The following OCSTAMP variants were observed in gnomAD, a reference collection of about 807,000 sequenced individuals.
OCSTAMP encodes osteoclast stimulatory transmembrane protein.
A neutral mutation model predicts 25.2 loss-of-function variants in OCSTAMP; 17 were observed. The observed-to-expected ratio is 0.68, with a 90% confidence interval of 0.46 to 1.01. The LOEUF is 1.01. Ranked by LOEUF, OCSTAMP falls within the 50% of genes least tolerant of loss-of-function variation. OCSTAMP has a pLI of 0.00. For missense variants in OCSTAMP, 664 were observed against 694.6 expected, an observed-to-expected ratio of 0.96 and a Z score of 0.50; for synonymous variants, 345 against 318.9, an observed-to-expected ratio of 1.08 and a Z score of -0.87.
chr20:46,546,460 A>AGT, intron 1 of OCSTAMP, 131 bp from the exon 2 acceptor site: 2 of 755,878 alleles, frequency 2.6e-6, no homozygotes, highest in Non-Finnish European at 4.2e-6. Context: ...ACCCAGGTGG[A>AGT]CCAATCAGAG....
At position 46,541,790 on chromosome 20, in the gene OCSTAMP, C is replaced by A. The variant is rs537737693; in HGVS notation, c.1185G>T (p.Arg395=). Residue 395 remains arginine (R), a synonymous_variant, in exon 3 of 3, where the codon CGG becomes CGT. Coordinates refer to ENST00000279028, the MANE Select transcript of OCSTAMP (RefSeq NM_080721.3). ...CCAGCGGGGCAGCTGCGCGGGGACG[C>A]CGGGCGGGTAGCAGTGGGCAGCGGG... ...TSARCPLLPA[R]RPRAAAPLAA... 4.7e-6 allele frequency: 7 copies of A among 1,496,878 alleles called. No individual in the cohort carries two copies. In the African/African-American group the frequency reaches 5.6e-5, roughly 12 times the overall value. 92.7% of individuals were successfully genotyped at this position (1,496,878 alleles called of 1,614,324 possible).
Position 46,541,475 on chromosome 20 carries a change from C to G in OCSTAMP, c.1500G>C (p.Glu500Asp). 1.3e-6 allele frequency: 2 copies of G among 1,550,964 alleles called. No individual in the cohort carries two copies. The highest frequency in any genetic ancestry group is 1.7e-6 in the Non-Finnish European group (2 of 1,146,282). Reference protein sequence around the residue: ...RTESSEGEGKELWSCRDLSCN... With the variant: ...RTESSEGEGKDLWSCRDLSCN... ...AACTCAGGTCTCTGCAACTCCAAAGCTCTTTCCCTTCTCCCTCACTGCTCT... is the reference window on the plus strand; with the variant it reads ...AACTCAGGTCTCTGCAACTCCAAAGGTCTTTCCCTTCTCCCTCACTGCTCT... Residue 500 changes from glutamate (E) to aspartate (D), a missense_variant, in exon 3 of 3, where the codon GAG (glutamate) becomes GAC (aspartate). Coordinates refer to ENST00000279028, the MANE Select transcript of OCSTAMP (RefSeq NM_080721.3).
Position 46,550,619 on chromosome 20 carries a change from A to G in OCSTAMP, c.-59T>C. 1 of 1,492,900 alleles carries G rather than the reference A, an allele frequency of 6.7e-7. No individual in the cohort carries two copies. 92.5% of individuals were successfully genotyped at this position (1,492,900 alleles called of 1,614,324 possible). Reference sequence around the variant, plus strand: ...TCGCTGGCAGCTGTGGCAGGTGGAGAGGAAGTGGGGGAATCGCTGGGACTT... The same window carrying G: ...TCGCTGGCAGCTGTGGCAGGTGGAGGGGAAGTGGGGGAATCGCTGGGACTT... On this transcript the variant is annotated 5_prime_UTR_variant, in exon 1 of 3. Coordinates refer to ENST00000279028, the MANE Select transcript of OCSTAMP (RefSeq NM_080721.3).
Position 46,541,024 on chromosome 20 carries a change from C to T in OCSTAMP, c.*250G>A, listed in dbSNP as rs763661207. On this transcript the variant is annotated 3_prime_UTR_variant, in exon 3 of 3. Coordinates refer to ENST00000279028, the MANE Select transcript of OCSTAMP (RefSeq NM_080721.3). ...GAAGGAATTTGAGGCAGAGGAATAACGTAATCTAAGATTTAATAAATACGT... is the reference window on the plus strand; with the variant it reads ...GAAGGAATTTGAGGCAGAGGAATAATGTAATCTAAGATTTAATAAATACGT... The T allele has an allele frequency of 1.7e-5, 7 of 418,064 alleles. No individual in the cohort carries two copies. The highest frequency in any genetic ancestry group is 1.0e-4 in the South Asian group (2 of 19,074). The allele number at this position is 418,064 out of a possible 1,614,324, so 25.9% of individuals were successfully genotyped here. A position where few individuals can be genotyped will look rare whatever the true frequency, so the allele number is the denominator to read the frequency against.
chr20:46,543,114 T>G (rs1035948472), intron 2 of OCSTAMP, among the ~76,000 whole-genome samples: 1 of 152,110 alleles, frequency 6.6e-6, no homozygotes, highest in Non-Finnish European at 1.5e-5. Flanking sequence ...ATTGAATGTT[T>G]TAGGAAAACC....
chr20:46,544,359 C>T (rs1434154198), intron 2 of OCSTAMP, among the ~76,000 whole-genome samples: 1 of 152,192 alleles, frequency 6.6e-6, no homozygotes, highest in Non-Finnish European at 1.5e-5. Flanking sequence ...CCAGTTGATT[C>T]TATTTCATTA....
Position 46,545,514 on chromosome 20 carries a change from G to T in OCSTAMP, c.860C>A (p.Ala287Asp). The T allele has an allele frequency of 1.3e-6, 2 of 1,551,430 alleles. No individual in the cohort carries two copies. The highest frequency in any genetic ancestry group is 1.7e-6 in the Non-Finnish European group (2 of 1,146,854). ...APPPTWLLQA[A>D]QLRLSQEELL... ...CTCCTCCTGTGACAGCCTCAGCTGA[G>T]CCGCCTGGAGCAGCCAGGTGGGTGG... The change falls in exon 2 of 3, where the codon GCT becomes GAT. Residue 287 changes from alanine (A) to aspartate (D), a missense_variant. Coordinates refer to ENST00000279028, the MANE Select transcript of OCSTAMP (RefSeq NM_080721.3).
At chr20:46,548,015 G>T (rs2061858391) in intron 1 of OCSTAMP, among the ~76,000 whole-genome samples, 1 of 152,152 alleles carries the variant, frequency 6.6e-6, no homozygotes, top group South Asian at 2.1e-4. Flanking sequence ...TTAATAGCAG[G>T]TGGGAAAGCA....
Position 46,541,914 on chromosome 20 carries a change from A to ATG in OCSTAMP, c.1060_1061insCA (p.Val354AlafsTer111). 6.9e-7 allele frequency: 1 copy of ATG among 1,447,760 alleles called. No individual in the cohort carries two copies. The highest frequency in any genetic ancestry group is 9.1e-7 in the Non-Finnish European group (1 of 1,102,256). The allele number at this position is 1,447,760 out of a possible 1,614,324, so 89.7% of individuals were successfully genotyped here. A position where few individuals can be genotyped will look rare whatever the true frequency, so the allele number is the denominator to read the frequency against. On this transcript the variant is annotated frameshift_variant, in exon 3 of 3. Coordinates refer to ENST00000279028, the MANE Select transcript of OCSTAMP (RefSeq NM_080721.3). LOFTEE classifies it low-confidence loss of function (END_TRUNC). The stretch of plus-strand genomic sequence containing the variant: ...GAAGAGGAAAGGGATGAAGCCCAGG[A>ATG]CAGTGTATGCCACCTTGGGAAAGGA...
chr20:46,544,499 T>C (rs2061844990), intron 2 of OCSTAMP, among the ~76,000 whole-genome samples: 1 of 152,234 alleles, frequency 6.6e-6, no homozygotes, highest in South Asian at 2.1e-4. Flanking sequence ...TTTGACACTT[T>C]GATATGTTTT....
In OCSTAMP at chr20:46,541,496, GCT is replaced by G; in HGVS notation, c.1477_1478del (p.Ser493GlnfsTer2). 2.6e-6 allele frequency: 4 copies of G among 1,551,640 alleles called. No homozygotes were observed. The highest frequency in any genetic ancestry group is 3.5e-6 in the Non-Finnish European group (4 of 1,146,902). On this transcript the variant is annotated frameshift_variant, in exon 3 of 3. Transcript: ENST00000279028. LOFTEE classifies it low-confidence loss of function (END_TRUNC). ...DYRLDALRTE[S>X]SEGEGKELWS... is the part of the protein sequence containing the mutation. ...AAAGCTCTTTCCCTTCTCCCTCACT[GCT>G]CTCGGTTCTTAAGGCATCCAGCCTG...
In OCSTAMP at chr20:46,541,665, T is replaced by C; in HGVS notation, c.1310A>G (p.Gln437Arg). Residue 437 changes from glutamine to arginine, a missense_variant, in exon 3 of 3, where the codon CAG becomes CGG. By Grantham distance (43) the Gln-to-Arg change is conservative. Coordinates refer to ENST00000279028, the MANE Select transcript of OCSTAMP (RefSeq NM_080721.3). ...HAIAASFFTAQEARRVRHLHA... is the reference protein window; with the variant it reads ...HAIAASFFTAREARRVRHLHA... ...CAGGTGGCGGACCCTCCTCGCCTCC[T>C]GGGCTGTGAAGAAGGAAGCGGCGAT... The C allele has an allele frequency of 1.3e-6, 2 of 1,550,808 alleles. No individual in the cohort carries two copies. The highest frequency in any genetic ancestry group is 1.7e-6 in the Non-Finnish European group (2 of 1,146,962).
rs3972347 is a variant in OCSTAMP at position 46,543,305 on chromosome 20, CCTTTCTTT to C, written c.1048-1386_1048-1379del. On this transcript the variant is annotated intron_variant, in intron 2 of 2. Coordinates refer to ENST00000279028, the MANE Select transcript of OCSTAMP (RefSeq NM_080721.3). ...TCTCTTTCTTTCTCTCTTTCTCTTT[CCTTTCTTT>C]CTTTCTTTCTTTCTTTCTTCGTTTC... Among the ~76,000 whole-genome samples, 61 of 128,408 alleles carry C rather than the reference CCTTTCTTT, an allele frequency of 4.8e-4. 1 individual carries two copies. Among genetic ancestry groups the C allele is most frequent in the South Asian group, 3.2e-3 (12 of 3,788 alleles). The allele number at this position is 128,408 out of a possible 152,430, so 84.2% of individuals were successfully genotyped here. A position where few individuals can be genotyped will look rare whatever the true frequency, so the allele number is the denominator to read the frequency against.
chr20:46,548,978 G>A (rs578217451), intron 1 of OCSTAMP, among the ~76,000 whole-genome samples: 69 of 152,158 alleles, frequency 4.5e-4, no homozygotes, highest in Non-Finnish European at 7.8e-4. Context: ...AGTATGAGTC[G>A]GCCTGGGATG....
intron 2 of OCSTAMP, among the ~76,000 whole-genome samples, chr20:46,544,453 T>C (rs1046362029): frequency 3.3e-5 from 5 of 152,238 alleles, no homozygotes; most frequent in Non-Finnish European, 5.9e-5. Context: ...AATAAGTACT[T>C]GATAAATATA....
chr20:46,545,935 G>T lies in OCSTAMP; in HGVS notation c.439C>A (p.Gln147Lys), dbSNP rs1250843367. The T allele has an allele frequency of 6.4e-7, 1 of 1,551,316 alleles. No homozygotes were observed. Among genetic ancestry groups the T allele is most frequent in the South Asian group, 1.2e-5 (1 of 84,058 alleles). The change falls in exon 2 of 3, where the codon CAG becomes AAG. Residue 147 changes from glutamine (Q) to lysine (K), a missense_variant. By Grantham distance (53) the Gln-to-Lys change is moderately conservative (BLOSUM62 1). Coordinates refer to ENST00000279028, the MANE Select transcript of OCSTAMP (RefSeq NM_080721.3). Reference sequence around the variant, plus strand: ...CCCTCGGTGACACACCTCAGCACCTGCCCGGCCGCACCCACGTTGGCCAGG... The same window carrying T: ...CCCTCGGTGACACACCTCAGCACCTTCCCGGCCGCACCCACGTTGGCCAGG... Reference protein sequence around the residue: ...NVLANVGAAGQVLRCVTEGSL... With the variant: ...NVLANVGAAGKVLRCVTEGSL...
chr20:46,544,069 G>A (rs1216688882), intron 2 of OCSTAMP, among the ~76,000 whole-genome samples: 2 of 152,146 alleles, frequency 1.3e-5, no homozygotes, highest in Non-Finnish European at 2.9e-5. Flanking sequence ...AATTAACTGG[G>A]TGGTGGTGGT....
chr20:46,543,342 CTTTT>C (rs59744231), intron 2 of OCSTAMP, among the ~76,000 whole-genome samples: 1 of 106,960 alleles, frequency 9.3e-6, no homozygotes. Context: ...TCGTTTCTTC[CTTTT>C]TTTTTTTTTG....
At position 46,545,684 on chromosome 20, in the gene OCSTAMP, T is replaced by G; in HGVS notation, c.690A>C (p.Thr230=). 1 of 1,551,628 alleles carries G rather than the reference T, an allele frequency of 6.4e-7. No homozygotes were observed. The highest frequency in any genetic ancestry group is 1.2e-5 in the South Asian group (1 of 84,062). ...AAALGTQRVV[T]GLFMLGLLVE... is the part of the protein sequence containing the mutation. ...CCAGGAGGCCCAACATAAACAGCCC[T>G]GTGACCACTCGCTGGGTCCCTAGCG... The change falls in exon 2 of 3, where the codon ACA becomes ACC. Residue 230 remains threonine, a synonymous_variant. Transcript: ENST00000279028.
Sources: allele counts gnomAD v4.1 joint callset (sites outside exome capture counted in the v4.1 genomes callset), GRCh38; gene constraint gnomAD v4.1.1; transcripts MANE v1.5; gene names NCBI Gene and HGNC (gene_info 2026-07-23, HGNC 2026-07-21).